Variants in GPR158 observed in about 807,000 individuals in gnomAD.
GPR158 encodes metabotropic glycine receptor.
A neutral mutation model predicts 78.2 loss-of-function variants in GPR158; 30 were observed. The ratio of observed to expected loss-of-function variants is 0.38; its 90% CI spans 0.29 to 0.52. GPR158 has a LOEUF of 0.52. Ranked by LOEUF, GPR158 falls within the 20% of genes least tolerant of loss-of-function variation. The pLI, the probability that GPR158 is intolerant of heterozygous loss-of-function variation, is 0.83. For synonymous variants in GPR158, 581 were observed against 591.1 expected (o/e 0.98, Z 0.25); for missense variants, 1,463 against 1,523.5 (o/e 0.96, Z 0.66).
intron 1 of GPR158, among the ~76,000 whole-genome samples, chr10:25,181,531 G>A (rs1852610667): frequency 6.6e-6 from 1 of 152,056 alleles, no homozygotes; most frequent in Admixed American, 6.6e-5. Flanking sequence ...TAGAAATACT[G>A]GCCTTAGAGA....
intron 5 of GPR158, among the ~76,000 whole-genome samples, chr10:25,532,313 A>C (rs1836434949): frequency 6.6e-6 from 1 of 152,128 alleles, no homozygotes; most frequent in African/African-American, 2.4e-5. Flanking sequence ...ACTCCCAGGG[A>C]CAGGGTATGC....
intron 2 of GPR158, among the ~76,000 whole-genome samples, chr10:25,225,183 C>CTTTTTTTTTTTTTTT (rs60603738): frequency 1.5e-5 from 2 of 134,762 alleles, no homozygotes; most frequent in African/African-American, 5.6e-5. Context: ...GAACATTTGC[C>CTTTTTTTTTTTTTTT]TTTTTTTTTT....
chr10:25,290,146 C>T (rs1305938387), intron 2 of GPR158, among the ~76,000 whole-genome samples: 1 of 152,182 alleles, frequency 6.6e-6, no homozygotes, highest in Non-Finnish European at 1.5e-5. Flanking sequence ...CCATGCAACA[C>T]AGGCAGGCCA....
intron 5 of GPR158, chr10:25,475,642 T>G (rs10508696): frequency 6.6e-6 from 1 of 152,084 alleles, no homozygotes; most frequent in South Asian, 2.1e-4. Context: ...TAAGGTGACT[T>G]AGTATCCACA....
chr10:25,596,766 A>C lies in GPR158; in HGVS notation c.2122A>C (p.Ser708Arg). The change falls in exon 10 of 11, where the codon AGC becomes CGC. Residue 708 changes from serine to arginine, a missense_variant. Physicochemically the swap from Ser to Arg is moderately radical, Grantham distance 110 (BLOSUM62 -1). Coordinates refer to ENST00000376351, the MANE Select transcript of GPR158 (RefSeq NM_020752.3). Reference sequence around the variant, plus strand: ...TATCAATTCAGCCTGGAGTGAGCACAGCTTGGATCCAGAGGACATTCGGGT... The same window carrying C: ...TATCAATTCAGCCTGGAGTGAGCACCGCTTGGATCCAGAGGACATTCGGGT... ...SSINSAWSEH[S>R]LDPEDIRDEL... The C allele has an allele frequency of 2.5e-6, 4 of 1,613,742 alleles. No homozygotes were observed. Among genetic ancestry groups the C allele is most frequent in the Non-Finnish European group, 3.4e-6 (4 of 1,179,798 alleles).
At chr10:25,549,667 T>C (rs1836705032) in intron 5 of GPR158, among the ~76,000 whole-genome samples, 1 of 152,188 alleles carries the variant, frequency 6.6e-6, no homozygotes, top group Non-Finnish European at 1.5e-5. Context: ...TTTACCTTTC[T>C]TTAATTTCTC....
chr10:25,396,302 A>C (rs188021286), intron 3 of GPR158, among the ~76,000 whole-genome samples: 1 of 152,338 alleles, frequency 6.6e-6, no homozygotes. Context: ...TTATTGAAAG[A>C]TGCTGCTACA....
At chr10:25,226,996 A>G (rs890507771) in intron 2 of GPR158, among the ~76,000 whole-genome samples, 4 of 152,160 alleles carry the variant, frequency 2.6e-5, no homozygotes, top group South Asian at 2.1e-4. Context: ...TCACCACTGT[A>G]TGGATGCTTA....
intron 5 of GPR158, among the ~76,000 whole-genome samples, chr10:25,475,100 G>T (rs1355942122): frequency 6.6e-6 from 1 of 152,056 alleles, no homozygotes; most frequent in East Asian, 1.9e-4. Context: ...CAAGTGTCAG[G>T]TTACTAAATG....
chr10:25,181,788 G>T (rs1462071471), intron 1 of GPR158, among the ~76,000 whole-genome samples: 1 of 152,124 alleles, frequency 6.6e-6, no homozygotes, highest in Non-Finnish European at 1.5e-5. Flanking sequence ...CACGATCTCA[G>T]GTCACTGCAT....
chr10:25,347,797 C>G (rs778622695), intron 2 of GPR158, among the ~76,000 whole-genome samples: 6 of 151,878 alleles, frequency 4.0e-5, no homozygotes, highest in African/African-American at 1.4e-4. Context: ...ATAAGTTGAT[C>G]CAGTTATCAT....
At chr10:25,203,653 T>C (rs1447713810) in intron 1 of GPR158, among the ~76,000 whole-genome samples, 1 of 145,482 alleles carries the variant, frequency 6.9e-6, no homozygotes, top group Non-Finnish European at 1.5e-5. Context: ...TTTTGGTTAC[T>C]GTAGCCTTGT....
At position 25,511,386 on chromosome 10, in the gene GPR158, G is replaced by A. The variant is rs187727390; in HGVS notation, c.1405-39590G>A. ...TCATGTCCTTAGCCCACATTTTGAT[G>A]GGATTATTTGTTTTACTCTTGCTGA... On this transcript the variant is annotated intron_variant, in intron 5 of 10. Coordinates refer to ENST00000376351, the MANE Select transcript of GPR158 (RefSeq NM_020752.3). Among the ~76,000 whole-genome samples the A allele has an allele frequency of 1.4e-4, 21 of 152,160 alleles. 1 individual carries two copies. The highest frequency in any genetic ancestry group is 1.4e-3 in the Admixed American group (21 of 15,258).
chr10:25,253,039 T>G (rs1270646987), intron 2 of GPR158, among the ~76,000 whole-genome samples: 1 of 152,126 alleles, frequency 6.6e-6, no homozygotes. Flanking sequence ...TAAGCCGGTC[T>G]GAAAAGCGCA....
intron 5 of GPR158, among the ~76,000 whole-genome samples, chr10:25,499,391 A>T (rs1381414276): frequency 6.6e-6 from 1 of 152,158 alleles, no homozygotes; most frequent in Non-Finnish European, 1.5e-5. Flanking sequence ...GGGTGCTGGG[A>T]TGCCTTGGTA....
At chr10:25,512,080 G>A (rs1024787801) in intron 5 of GPR158, among the ~76,000 whole-genome samples, 2 of 152,052 alleles carry the variant, frequency 1.3e-5, no homozygotes, top group African/African-American at 4.8e-5. Context: ...GAATGATGGT[G>A]GTATTTTGAT....
At chr10:25,525,632 A>G (rs988212925) in intron 5 of GPR158, among the ~76,000 whole-genome samples, 2 of 152,222 alleles carry the variant, frequency 1.3e-5, no homozygotes, top group African/African-American at 4.8e-5. Context: ...GACAGAAAGT[A>G]GACTAGTCAG....
At chr10:25,187,603 CA>C (rs1852706732) in intron 1 of GPR158, among the ~76,000 whole-genome samples, 1 of 147,470 alleles carries the variant, frequency 6.8e-6, no homozygotes, top group African/African-American at 2.5e-5. Flanking sequence ...TAAAAACTCT[CA>C]ATAAACTAGG....
chr10:25,553,727 A>T (rs529758693), intron 6 of GPR158, among the ~76,000 whole-genome samples: 1 of 152,154 alleles, frequency 6.6e-6, no homozygotes, highest in Non-Finnish European at 1.5e-5. Context: ...GTCAAGAAAC[A>T]TATGGCCCTG....
Sources: allele counts gnomAD v4.1 joint callset (sites outside exome capture counted in the v4.1 genomes callset), GRCh38; gene constraint gnomAD v4.1.1; transcripts MANE v1.5; gene names NCBI Gene and HGNC (gene_info 2026-07-23, HGNC 2026-07-21).